Variants in FIP1L1 observed in about 807,000 individuals in gnomAD.
FIP1L1 encodes the protein pre-mRNA 3'-end-processing factor FIP1.
Under a neutral mutation model 84.6 loss-of-function variants are expected in FIP1L1, and 21 were observed. That is an observed-to-expected ratio of 0.25 (90% CI 0.18 to 0.36). The LOEUF is 0.36. Ranked by LOEUF, FIP1L1 falls within the 10% of genes least tolerant of loss-of-function variation. FIP1L1 has a pLI of 1.00. For missense variants in FIP1L1, 526 were observed against 751.1 expected (o/e 0.70, Z 3.50); for synonymous variants, 263 against 242.3 (o/e 1.09, Z -0.80).
intron 16 of FIP1L1, among the ~76,000 whole-genome samples, chr4:53,457,264 G>T (rs1719665110): frequency 6.6e-6 from 1 of 152,034 alleles, no homozygotes; most frequent in Non-Finnish European, 1.5e-5. Context: ...ATCAGGATGT[G>T]ATCCTGTGTG....
intron 5 of FIP1L1, among the ~76,000 whole-genome samples, chr4:53,384,215 C>A (rs896710823): frequency 2.0e-5 from 3 of 152,018 alleles, no homozygotes; most frequent in Non-Finnish European, 4.4e-5. Context: ...TCAAGACCAG[C>A]CTGACCAGCA....
At chr4:53,453,290 C>T (rs1717113294) in intron 16 of FIP1L1, 157 bp downstream of exon 16, 1 of 770,112 alleles carries the variant, frequency 1.3e-6, no homozygotes, top group Non-Finnish European at 2.0e-6. Context: ...AGAGGCTTCC[C>T]ATTACCTTGA....
chr4:53,384,005 TAA>T, intron 5 of FIP1L1, 129 bp downstream of exon 5: 1 of 891,532 alleles, frequency 1.1e-6, no homozygotes, highest in South Asian at 2.0e-5. Flanking sequence ...AAGAACTTGT[TAA>T]AGTTTCATCA....
intron 13 of FIP1L1, among the ~76,000 whole-genome samples, chr4:53,439,508 A>G (rs973823093): frequency 6.6e-6 from 1 of 152,052 alleles, no homozygotes; most frequent in African/African-American, 2.4e-5. Context: ...GTGTTAGAAT[A>G]TGTTTCCTTT....
chr4:53,444,056 C>T lies in FIP1L1; in HGVS notation c.1238C>T (p.Ser413Phe). The part of the protein sequence containing the change: ...SLIPTIESGH[S>F]SGYDSRSARA... The stretch of plus-strand genomic sequence containing the variant: ...ATCTTTTTCTTCAACAGTGGACATT[C>T]CTCTGGTTATGATAGTCGTTCTGCA... The change falls in exon 15 of 18, where the codon TCC (serine) becomes TTC (phenylalanine). Residue 413 changes from serine (S) to phenylalanine (F), a missense_variant. Coordinates refer to ENST00000337488, the MANE Select transcript of FIP1L1 (RefSeq NM_030917.4). 1 of 1,605,180 alleles carries T rather than the reference C, an allele frequency of 6.2e-7. No homozygotes were observed. The highest frequency in any genetic ancestry group is 8.5e-7 in the Non-Finnish European group (1 of 1,172,708).
In FIP1L1 at chr4:53,459,502, C is replaced by A. The variant is rs1560597302; in HGVS notation, c.*53C>A. 7.5e-6 allele frequency: 12 copies of A among 1,607,936 alleles called. No individual in the cohort carries two copies. The highest frequency in any genetic ancestry group is 1.0e-5 in the Non-Finnish European group (12 of 1,176,344). ...AGTACCAGAAGTAGATACTATAAAT[C>A]TTGTTATTTTTCTGGATAATGTTTA... On this transcript the variant is annotated 3_prime_UTR_variant, in exon 18 of 18. Coordinates refer to ENST00000337488, the MANE Select transcript of FIP1L1 (RefSeq NM_030917.4).
At chr4:53,399,083 G>GTGGAGGC (rs529621783) in intron 9 of FIP1L1, among the ~76,000 whole-genome samples, 60 of 152,302 alleles carry the variant, frequency 3.9e-4, no homozygotes, top group African/African-American at 1.3e-3. Context: ...AACCCAGGAG[G>GTGGAGGC]TGGAGGCTTC....
chr4:53,416,485 A>G (rs1285858415), intron 11 of FIP1L1, among the ~76,000 whole-genome samples: 1 of 152,204 alleles, frequency 6.6e-6, no homozygotes, highest in Non-Finnish European at 1.5e-5. Context: ...TCAAACCTGA[A>G]ACTCTTTATT....
intron 13 of FIP1L1, among the ~76,000 whole-genome samples, chr4:53,430,629 C>G (rs1213405610): frequency 6.6e-6 from 1 of 151,880 alleles, no homozygotes; most frequent in Non-Finnish European, 1.5e-5. Flanking sequence ...GAACCACTAC[C>G]CCTGACCATT....
intron 12 of FIP1L1, among the ~76,000 whole-genome samples, chr4:53,426,646 C>T (rs1352760084): frequency 1.3e-5 from 2 of 152,068 alleles, no homozygotes; most frequent in African/African-American, 4.8e-5. Context: ...TGATACTAAG[C>T]AAAATTGGGA....
chr4:53,416,433 C>T (rs1389810324), intron 11 of FIP1L1, among the ~76,000 whole-genome samples: 4 of 152,320 alleles, frequency 2.6e-5, no homozygotes, highest in South Asian at 2.1e-4. Context: ...TTACCACAAT[C>T]GTAACATAGT....
rs879030585 is a variant in FIP1L1, at chr4:53,382,265, T to G, written c.171-13T>G. On this transcript the variant is annotated splice_polypyrimidine_tract_variant and intron_variant, in intron 3 of 17. Transcript: ENST00000337488. ...TAATGCCTGACATGTATACTTACTT[T>G]TGTTGTTTGTAGTGCTAATCCTCCA... is the stretch of plus-strand genomic sequence containing the variant. 6.2e-7 allele frequency: 1 copy of G among 1,605,718 alleles called. No individual in the cohort carries two copies. The highest frequency in any genetic ancestry group is 8.5e-7 in the Non-Finnish European group (1 of 1,172,502).
intron 15 of FIP1L1, among the ~76,000 whole-genome samples, chr4:53,447,470 T>A (rs1294653494): frequency 6.6e-6 from 1 of 152,130 alleles, no homozygotes; most frequent in Non-Finnish European, 1.5e-5. Flanking sequence ...CTATACTTCT[T>A]ACAATGTTTA....
intron 10 of FIP1L1, among the ~76,000 whole-genome samples, chr4:53,402,215 A>G (rs1439565193): frequency 1.3e-5 from 2 of 152,210 alleles, no homozygotes; most frequent in Admixed American, 1.3e-4. Context: ...GACCAGGATC[A>G]TTTTCATTTG....
Position 53,391,157 on chromosome 4 carries a change from C to T in FIP1L1, c.636+18C>T, listed in dbSNP as rs545167400. 55 of 1,590,278 alleles carry T rather than the reference C, an allele frequency of 3.5e-5. No individual in the cohort carries two copies. The highest frequency in any genetic ancestry group is 4.3e-5 in the Non-Finnish European group (50 of 1,172,566). ...AAATTACGGTAATTAATAAATACTC[C>T]GGAATACCCTTGGCTTGTCTACCGT... On this transcript the variant is annotated intron_variant, in intron 8 of 17. Transcript: ENST00000337488.
intron 10 of FIP1L1, among the ~76,000 whole-genome samples, chr4:53,412,230 T>G (rs1187454228): frequency 6.6e-6 from 1 of 152,140 alleles, no homozygotes; most frequent in Non-Finnish European, 1.5e-5. Context: ...CCTTTACCCT[T>G]AAGTACTTAA....
chr4:53,379,029 T>C, intron 1 of FIP1L1, 44 bp from the exon 2 acceptor site: 1 of 1,581,302 alleles, frequency 6.3e-7, no homozygotes. Flanking sequence ...ATAAGTATCT[T>C]GTTAAGTAAT....
intron 11 of FIP1L1, among the ~76,000 whole-genome samples, chr4:53,416,450 A>T (rs1759539458): frequency 6.6e-6 from 1 of 152,236 alleles, no homozygotes; most frequent in African/African-American, 2.4e-5. Context: ...TAGTGGAGCT[A>T]GACTGTGTAA....
intron 15 of FIP1L1, among the ~76,000 whole-genome samples, chr4:53,450,153 T>A (rs879540219): frequency 6.6e-6 from 1 of 152,178 alleles, no homozygotes; most frequent in Non-Finnish European, 1.5e-5. Flanking sequence ...GCTCATTAAT[T>A]TTTATTCTTT....
Sources: allele counts gnomAD v4.1 joint callset (sites outside exome capture counted in the v4.1 genomes callset), GRCh38; gene constraint gnomAD v4.1.1; transcripts MANE v1.5; gene names NCBI Gene and HGNC (gene_info 2026-07-23, HGNC 2026-07-21).